The following APEX1 variants were observed in gnomAD, a reference collection of about 807,000 sequenced individuals.
APEX1 encodes the protein DNA repair nuclease/redox regulator APEX1.
A neutral mutation model predicts 33.2 loss-of-function variants in APEX1; 32 were observed. The ratio of observed to expected loss-of-function variants is 0.96; its 90% CI spans 0.73 to 1.29. The LOEUF is 1.29. Ranked by LOEUF, APEX1 falls within the 50% of genes most tolerant of loss-of-function variation. APEX1 has a pLI of 0.00. For synonymous variants in APEX1, 175 were observed against 156.6 expected (o/e 1.12, Z -0.88); for missense variants, 442 against 395.6 (o/e 1.12, Z -0.99).
chr14:20,457,669 T>C lies in APEX1; in HGVS notation c.*161T>C. On this transcript the variant is annotated 3_prime_UTR_variant, in exon 5 of 5. Coordinates refer to ENST00000216714, the MANE Select transcript of APEX1 (RefSeq NM_001641.4). The stretch of plus-strand genomic sequence containing the variant: ...TAGAGTTCTTTTAAGCCCAAGATTT[T>C]TTATTTGAGGGTTTTTTGTTTTTTA... The C allele has an allele frequency of 9.9e-7, 1 of 1,011,082 alleles. No individual in the cohort carries two copies. Among genetic ancestry groups the C allele is most frequent in the Non-Finnish European group, 1.5e-6 (1 of 687,288 alleles). The allele number at this position is 1,011,082 out of a possible 1,614,324, so 62.6% of individuals were successfully genotyped here. A position where few individuals can be genotyped will look rare whatever the true frequency, so the allele number is the denominator to read the frequency against.
chr14:20,456,692 A>T lies in APEX1; in HGVS notation c.271A>T (p.Ile91Leu). The change falls in exon 4 of 5, where the codon ATA (isoleucine) becomes TTA (leucine). Residue 91 changes from isoleucine (I) to leucine (L), a missense_variant. Ile to Leu is a conservative substitution (Grantham distance 5). Coordinates refer to ENST00000216714, the MANE Select transcript of APEX1 (RefSeq NM_001641.4). Reference protein sequence around the residue: ...LDWVKEEAPDILCLQETKCSE... With the variant: ...LDWVKEEAPDLLCLQETKCSE... ...GTGGGTAAAGGAAGAAGCCCCAGAT[A>T]TACTGTGCCTTCAAGAGACCAAATG... 1 of 1,614,164 alleles carries T rather than the reference A, an allele frequency of 6.2e-7. No individual in the cohort carries two copies. The highest frequency in any genetic ancestry group is 8.5e-7 in the Non-Finnish European group (1 of 1,179,968).
rs767875050 is a variant in APEX1, at chr14:20,457,205, T to G, written c.654T>G (p.Ile218Met). The change falls in exon 5 of 5, where the codon ATT becomes ATG. Residue 218 changes from isoleucine (I) to methionine (M), a missense_variant. Physicochemically the swap from Ile to Met is conservative, Grantham distance 10 (BLOSUM62 1). Transcript: ENST00000216714. ...CGDLNVAHEE[I>M]DLRNPKGNKK... ...ACCTCAATGTGGCACATGAAGAAATTGACCTTCGCAACCCCAAGGGGAACA... is the reference window on the plus strand; with the variant it reads ...ACCTCAATGTGGCACATGAAGAAATGGACCTTCGCAACCCCAAGGGGAACA... 6.2e-7 allele frequency: 1 copy of G among 1,614,174 alleles called. No individual in the cohort carries two copies. The highest frequency in any genetic ancestry group is 1.1e-5 in the South Asian group (1 of 91,088).
rs1406546151 is a variant in APEX1, at chr14:20,455,898, A to G, written c.59-16A>G. 1.7e-5 allele frequency: 27 copies of G among 1,613,932 alleles called. No individual in the cohort carries two copies. In the South Asian group the frequency reaches 2.5e-4, roughly 15 times the overall value. ...AACCACCAGCTTTTTGTCAGTATATATTACTCATTTTATAGAGCCAGAGGC... is the reference window on the plus strand; with the variant it reads ...AACCACCAGCTTTTTGTCAGTATATGTTACTCATTTTATAGAGCCAGAGGC... On this transcript the variant is annotated splice_polypyrimidine_tract_variant and intron_variant, in intron 2 of 4. Coordinates refer to ENST00000216714, the MANE Select transcript of APEX1 (RefSeq NM_001641.4).
chr14:20,456,872 T>C lies in APEX1; in HGVS notation c.439+12T>C, dbSNP rs1594414867. On this transcript the variant is annotated intron_variant, in intron 4 of 4. Coordinates refer to ENST00000216714, the MANE Select transcript of APEX1 (RefSeq NM_001641.4). ...TTCTTACGGCATAGGTGAGACCCTA[T>C]TGATGCCTAATGCCTGAACTCTTCA... 1.9e-6 allele frequency: 3 copies of C among 1,612,924 alleles called. No individual in the cohort carries two copies. In the East Asian group the frequency reaches 6.7e-5, roughly 36 times the overall value.
chr14:20,456,080 G>C lies in APEX1; in HGVS notation c.225G>C (p.Trp75Cys), dbSNP rs1180719388. Residue 75 changes from tryptophan to cysteine, a missense_variant, in exon 3 of 5, where the codon TGG becomes TGC. By Grantham distance (215) the Trp-to-Cys change is radical (BLOSUM62 -2). Coordinates refer to ENST00000216714, the MANE Select transcript of APEX1 (RefSeq NM_001641.4). Reference protein sequence around the residue: ...CSWNVDGLRAWIKKKGLDWVK... With the variant: ...CSWNVDGLRACIKKKGLDWVK... ...GGAATGTGGATGGGCTTCGAGCCTG[G>C]ATTAAGAAGAAAGGATTAGATGTGA... The C allele has an allele frequency of 6.2e-7, 1 of 1,614,192 alleles. No homozygotes were observed. The highest frequency in any genetic ancestry group is 1.1e-5 in the South Asian group (1 of 91,080).
chr14:20,457,494 T>C lies in APEX1; in HGVS notation c.943T>C (p.Tyr315His), dbSNP rs1414485166. Residue 315 changes from tyrosine (Y) to histidine (H), a missense_variant, in exon 5 of 5, where the codon TAC becomes CAC. Tyr to His is a moderately conservative substitution (Grantham distance 83). Transcript: ENST00000216714. ...LGSDHCPITLYLAL is the reference protein window; with the variant it reads ...LGSDHCPITLHLAL Reference sequence around the variant, plus strand: ...CAGTGATCACTGTCCTATCACCCTATACCTAGCACTGTGACACCACCCCTA... The same window carrying C: ...CAGTGATCACTGTCCTATCACCCTACACCTAGCACTGTGACACCACCCCTA... 6.2e-7 allele frequency: 1 copy of C among 1,614,058 alleles called. No individual in the cohort carries two copies. The highest frequency in any genetic ancestry group is 2.2e-5 in the East Asian group (1 of 44,886).
Position 20,457,575 on chromosome 14 carries a change from C to A in APEX1, c.*67C>A, listed in dbSNP as rs1881469901. 1.3e-6 allele frequency: 2 copies of A among 1,561,080 alleles called. No homozygotes were observed. The highest frequency in any genetic ancestry group is 2.2e-5 in the South Asian group (2 of 89,798). ...TCAACTACCATTCCTTCTTTAAACA[C>A]TCTTCAGAGAAATCTGCATTCTATT... On this transcript the variant is annotated 3_prime_UTR_variant, in exon 5 of 5. Transcript: ENST00000216714.
At position 20,457,527 on chromosome 14, in the gene APEX1, T is replaced by C. The variant is rs767141318; in HGVS notation, c.*19T>C. 1.9e-6 allele frequency: 3 copies of C among 1,612,492 alleles called. No individual in the cohort carries two copies. The highest frequency in any genetic ancestry group is 1.3e-5 in the African/African-American group (1 of 74,918). On this transcript the variant is annotated 3_prime_UTR_variant, in exon 5 of 5. Coordinates refer to ENST00000216714, the MANE Select transcript of APEX1 (RefSeq NM_001641.4). ...ACTGTGACACCACCCCTAAATCACT[T>C]TGAGCCTGGGAAATAAGCCCCCTCA...
chr14:20,457,064 T>C lies in APEX1; in HGVS notation c.513T>C (p.Tyr171=), dbSNP rs770451855. 3 of 1,614,212 alleles carry C rather than the reference T, an allele frequency of 1.9e-6. No individual in the cohort carries two copies. The highest frequency in any genetic ancestry group is 1.3e-5 in the African/African-American group (1 of 75,054). Residue 171 remains tyrosine (Y), a synonymous_variant, in exon 5 of 5, where the codon TAT becomes TAC. Coordinates refer to ENST00000216714, the MANE Select transcript of APEX1 (RefSeq NM_001641.4). ...EFDSFVLVTA[Y]VPNAGRGLVR... ...ACTCGTTTGTGCTGGTAACAGCATA[T>C]GTACCTAATGCAGGCCGAGGTCTGG...
Position 20,455,902 on chromosome 14 carries a change from C to A in APEX1, c.59-12C>A, listed in dbSNP as rs1881306817. 1.2e-6 allele frequency: 2 copies of A among 1,613,976 alleles called. No individual in the cohort carries two copies. The highest frequency in any genetic ancestry group is 2.7e-5 in the African/African-American group (2 of 75,004). On this transcript the variant is annotated splice_polypyrimidine_tract_variant and intron_variant, in intron 2 of 4. Transcript: ENST00000216714. Reference sequence around the variant, plus strand: ...ACCAGCTTTTTGTCAGTATATATTACTCATTTTATAGAGCCAGAGGCCAAG... The same window carrying A: ...ACCAGCTTTTTGTCAGTATATATTAATCATTTTATAGAGCCAGAGGCCAAG...
In APEX1 at chr14:20,457,569, T is replaced by A; in HGVS notation, c.*61T>A. On this transcript the variant is annotated 3_prime_UTR_variant, in exon 5 of 5. Transcript: ENST00000216714. ...GCCCCCTCAACTACCATTCCTTCTT[T>A]AAACACTCTTCAGAGAAATCTGCAT... The A allele has an allele frequency of 6.4e-7, 1 of 1,572,380 alleles. No individual in the cohort carries two copies. The highest frequency in any genetic ancestry group is 8.7e-7 in the Non-Finnish European group (1 of 1,148,966).
chr14:20,457,098 G>C lies in APEX1; in HGVS notation c.547G>C (p.Glu183Gln), dbSNP rs771170012. The change falls in exon 5 of 5, where the codon GAG (glutamate) becomes CAG (glutamine). Residue 183 changes from glutamate to glutamine, a missense_variant. By Grantham distance (29) the Glu-to-Gln change is conservative. Coordinates refer to ENST00000216714, the MANE Select transcript of APEX1 (RefSeq NM_001641.4). The stretch of plus-strand genomic sequence containing the variant: ...TGCAGGCCGAGGTCTGGTACGACTG[G>C]AGTACCGGCAGCGCTGGGATGAAGC... ...PNAGRGLVRL[E>Q]YRQRWDEAFR... 3 of 1,614,222 alleles carry C rather than the reference G, an allele frequency of 1.9e-6. No individual in the cohort carries two copies. The highest frequency in any genetic ancestry group is 1.1e-5 in the South Asian group (1 of 91,086).
intron 4 of APEX1, 40 bp from the exon 5 acceptor site, chr14:20,456,951 T>C (rs928054743): frequency 6.2e-7 from 1 of 1,607,388 alleles, no homozygotes; most frequent in Non-Finnish European, 8.5e-7. Context: ...CTTTCCCTTT[T>C]CTTATAGTTT....
At position 20,456,684 on chromosome 14, in the gene APEX1, C is replaced by T; in HGVS notation, c.263C>T (p.Ala88Val). 1 of 1,614,012 alleles carries T rather than the reference C, an allele frequency of 6.2e-7. No homozygotes were observed. Among genetic ancestry groups the T allele is most frequent in the South Asian group, 1.1e-5 (1 of 91,078 alleles). ...KKGLDWVKEE[A>V]PDILCLQETK... is the part of the protein sequence containing the mutation. Reference sequence around the variant, plus strand: ...CACTTACAGTGGGTAAAGGAAGAAGCCCCAGATATACTGTGCCTTCAAGAG... The same window carrying T: ...CACTTACAGTGGGTAAAGGAAGAAGTCCCAGATATACTGTGCCTTCAAGAG... The change falls in exon 4 of 5, where the codon GCC becomes GTC. Residue 88 changes from alanine to valine, a missense_variant. Physicochemically the swap from Ala to Val is moderately conservative, Grantham distance 64. Coordinates refer to ENST00000216714, the MANE Select transcript of APEX1 (RefSeq NM_001641.4).
chr14:20,456,995 T>G lies in APEX1; in HGVS notation c.444T>G (p.Asp148Glu), dbSNP rs1130409. The G allele has an allele frequency of 0.45, 729,633 of 1,612,734 alleles. 169,093 individuals carry two copies. The highest frequency in any genetic ancestry group is 0.48 in the Non-Finnish European group (566,389 of 1,179,192). ...CPLKVSYGIG[D>E]EEHDQEGRVI... ...AATTCTGTTTCATTTCTATAGGCGATGAGGAGCATGATCAGGAAGGCCGGG... is the reference window on the plus strand; with the variant it reads ...AATTCTGTTTCATTTCTATAGGCGAGGAGGAGCATGATCAGGAAGGCCGGG... The change falls in exon 5 of 5, where the codon GAT (aspartate) becomes GAG (glutamate). Residue 148 changes from aspartate to glutamate, a missense_variant. Coordinates refer to ENST00000216714, the MANE Select transcript of APEX1 (RefSeq NM_001641.4).
rs1236740457 is a variant in APEX1 at position 20,457,336 on chromosome 14, A to AT, written c.786dup (p.Ala263CysfsTer21). 1.5e-5 allele frequency: 25 copies of AT among 1,614,074 alleles called. No homozygotes were observed. The highest frequency in any genetic ancestry group is 2.0e-5 in the Non-Finnish European group (24 of 1,180,026). ...AGGCACCTCTACCCCAACACACCCT[A>AT]TGCCTACACCTTTTGGACTTATATG... On this transcript the variant is annotated frameshift_variant, in exon 5 of 5. Coordinates refer to ENST00000216714, the MANE Select transcript of APEX1 (RefSeq NM_001641.4). LOFTEE classifies it high-confidence loss of function.
In APEX1 at chr14:20,455,929, A is replaced by C; in HGVS notation, c.74A>C (p.Lys25Thr). ...CATTTTATAGAGCCAGAGGCCAAGA[A>C]GAGTAAGACGGCCGCAAAGAAAAAT... ...DELRTEPEAK[K>T]SKTAAKKNDK... The change falls in exon 3 of 5, where the codon AAG becomes ACG. Residue 25 changes from lysine to threonine, a missense_variant. Lys to Thr is a moderately conservative substitution (Grantham distance 78). Transcript: ENST00000216714. The C allele has an allele frequency of 1.2e-6, 2 of 1,614,182 alleles. No homozygotes were observed. Among genetic ancestry groups the C allele is most frequent in the South Asian group, 1.1e-5 (1 of 91,084 alleles).
rs747207116 is a variant in APEX1, at chr14:20,456,653, T to C, written c.247-15T>C. Reference sequence around the variant, plus strand: ...GAATTGATAATACGTTTTCCACCTTTCTTTTCACTTACAGTGGGTAAAGGA... The same window carrying C: ...GAATTGATAATACGTTTTCCACCTTCCTTTTCACTTACAGTGGGTAAAGGA... On this transcript the variant is annotated splice_polypyrimidine_tract_variant and intron_variant, in intron 3 of 4. Coordinates refer to ENST00000216714, the MANE Select transcript of APEX1 (RefSeq NM_001641.4). 6.2e-7 allele frequency: 1 copy of C among 1,610,888 alleles called. No individual in the cohort carries two copies. Among genetic ancestry groups the C allele is most frequent in the Middle Eastern group, 1.7e-4 (1 of 5,886 alleles).
At position 20,455,667 on chromosome 14, in the gene APEX1, G is replaced by A. The variant is rs202001645; in HGVS notation, c.22G>A (p.Gly8Arg). The change falls in exon 2 of 5, where the codon GGA (glycine) becomes AGA (arginine). Residue 8 changes from glycine (G) to arginine (R), a missense_variant. Transcript: ENST00000216714. ...GGGAATGCCGAAGCGTGGGAAAAAG[G>A]GAGCGGTGGCGGAAGACGGGGATGA... MPKRGKK[G>R]AVAEDGDELR... 4.5e-5 allele frequency: 73 copies of A among 1,614,042 alleles called. No homozygotes were observed. In the East Asian group the frequency reaches 1.6e-3, roughly 35 times the overall value.
Sources: allele counts gnomAD v4.1 joint callset, GRCh38; gene constraint gnomAD v4.1.1; transcripts MANE v1.5; gene names NCBI Gene and HGNC (gene_info 2026-07-23, HGNC 2026-07-21).